Variants in RAP1GAP observed in about 807,000 individuals in gnomAD.
RAP1GAP encodes the protein rap1 GTPase-activating protein 1.
A neutral mutation model predicts 87.2 loss-of-function variants in RAP1GAP; 35 were observed. The ratio of observed to expected loss-of-function variants is 0.40; its 90% CI spans 0.31 to 0.53. The LOEUF (loss-of-function observed/expected upper bound fraction) is 0.53. RAP1GAP is among the 20% of genes least tolerant of loss of function. RAP1GAP has a pLI of 0.48. For missense variants in RAP1GAP, 734 were observed against 898.9 expected (o/e 0.82, Z 2.35); for synonymous variants, 375 against 363.9 (o/e 1.03, Z -0.35).
At chr1:21,664,743 CTTA>C (rs2097282814) in intron 1 of RAP1GAP, among the ~76,000 whole-genome samples, 1 of 53,510 alleles carries the variant, frequency 1.9e-5, no homozygotes, top group African/African-American at 5.3e-5. Flanking sequence ...GAAGAAAAGG[CTTA>C]TTATTTTTTT....
intron 1 of RAP1GAP, among the ~76,000 whole-genome samples, chr1:21,658,925 A>G (rs1044704976): frequency 7.5e-6 from 1 of 134,062 alleles, no homozygotes; most frequent in African/African-American, 2.8e-5. Context: ...ATATCATGAC[A>G]GGAAAATGAA....
intron 2 of RAP1GAP, among the ~76,000 whole-genome samples, chr1:21,643,973 G>C (rs1450443695): frequency 6.6e-6 from 1 of 152,226 alleles, no homozygotes; most frequent in Admixed American, 6.5e-5. Context: ...AACCAGACCA[G>C]GGACCTCAGG....
intron 3 of RAP1GAP, among the ~76,000 whole-genome samples, chr1:21,623,989 G>A (rs534200867): frequency 6.6e-6 from 1 of 152,354 alleles, no homozygotes; most frequent in South Asian, 2.1e-4. Flanking sequence ...GTGTGTATGG[G>A]AATGCCTTGG....
intron 2 of RAP1GAP, among the ~76,000 whole-genome samples, chr1:21,637,716 C>T (rs1423132712): frequency 6.6e-6 from 1 of 152,050 alleles, no homozygotes; most frequent in Non-Finnish European, 1.5e-5. Flanking sequence ...GAATACTATA[C>T]AGCAATGACA....
chr1:21,637,149 T>TC (rs1168593499), intron 2 of RAP1GAP, among the ~76,000 whole-genome samples: 1 of 148,466 alleles, frequency 6.7e-6, no homozygotes, highest in Non-Finnish European at 1.5e-5. Flanking sequence ...TTTTTTCTTT[T>TC]TTTTTTTTTT....
chr1:21,641,610 G>A (rs2095531561), intron 2 of RAP1GAP, among the ~76,000 whole-genome samples: 1 of 152,190 alleles, frequency 6.6e-6, no homozygotes, highest in Non-Finnish European at 1.5e-5. Flanking sequence ...CTAGTACCTG[G>A]CATGTGGTAG....
At chr1:21,639,528 T>C (rs1220344379) in intron 2 of RAP1GAP, among the ~76,000 whole-genome samples, 1 of 152,222 alleles carries the variant, frequency 6.6e-6, no homozygotes, top group African/African-American at 2.4e-5. Context: ...CAGCCTCTGT[T>C]TCCTCGGCTA....
chr1:21,649,769 C>G lies in RAP1GAP; in HGVS notation c.-121G>C. 1 of 1,552,556 alleles carries G rather than the reference C, an allele frequency of 6.4e-7. No individual in the cohort carries two copies. The highest frequency in any genetic ancestry group is 8.7e-7 in the Non-Finnish European group (1 of 1,147,546). On this transcript the variant is annotated 5_prime_UTR_variant, in exon 2 of 25. Coordinates refer to ENST00000374765, the MANE Select transcript of RAP1GAP (RefSeq NM_002885.4). ...GAGTCCCCAGTACTCACCACACACT[C>G]CGGCGAGAAGTGAAGGACTTGTCCA...
At chr1:21,645,480 A>AAAAAAT (rs551551105) in intron 2 of RAP1GAP, among the ~76,000 whole-genome samples, 132 of 152,278 alleles carry the variant, frequency 8.7e-4, no homozygotes, top group Admixed American at 3.4e-3. Flanking sequence ...ACCCTGTCTC[A>AAAAAAT]AAAAATAAAA....
intron 2 of RAP1GAP, among the ~76,000 whole-genome samples, chr1:21,642,196 G>A (rs911181077): frequency 5.9e-5 from 9 of 152,232 alleles, no homozygotes; most frequent in African/African-American, 2.2e-4. Flanking sequence ...CGTGTAGGCA[G>A]TCAGGTCACC....
chr1:21,664,702 C>T (rs528378911), intron 1 of RAP1GAP, among the ~76,000 whole-genome samples: 20 of 152,196 alleles, frequency 1.3e-4, no homozygotes, highest in South Asian at 8.3e-4. Context: ...TGCGAAGTTA[C>T]GGAAAAAATT....
At chr1:21,614,195 T>C (rs2080395434) in intron 7 of RAP1GAP, 106 bp from the exon 8 acceptor site, 6 of 714,504 alleles carry the variant, frequency 8.4e-6, no homozygotes, top group East Asian at 2.7e-5. Context: ...CCTTCGCCGA[T>C]AGCAGGTGTC....
At chr1:21,652,173 C>A (rs1424424962) in intron 1 of RAP1GAP, among the ~76,000 whole-genome samples, 1 of 151,016 alleles carries the variant, frequency 6.6e-6, no homozygotes, top group Non-Finnish European at 1.5e-5. Context: ...CCTCCTCCCG[C>A]CCCCTCGAGC....
chr1:21,620,146 A>G, intron 3 of RAP1GAP, 96 bp from the exon 4 acceptor site: 1 of 1,344,628 alleles, frequency 7.4e-7, no homozygotes, highest in African/African-American at 1.4e-5. Flanking sequence ...ACCAGCTCTG[A>G]TCAGTGACCG....
At chr1:21,644,919 A>G (rs10917030) in intron 2 of RAP1GAP, among the ~76,000 whole-genome samples, 68,814 of 144,258 alleles carry the variant, frequency 0.48, 16,713 homozygotes, top group Middle Eastern at 0.65. Flanking sequence ...AAAAAAAAAA[A>G]AGAGAAAAGA....
intron 2 of RAP1GAP, among the ~76,000 whole-genome samples, chr1:21,637,856 C>T (rs1348234035): frequency 1.3e-5 from 2 of 149,724 alleles, no homozygotes; most frequent in Admixed American, 6.8e-5. Flanking sequence ...CATGGCTGGC[C>T]GGGAGTGGTG....
intron 1 of RAP1GAP, among the ~76,000 whole-genome samples, chr1:21,665,626 C>G (rs2152417440): frequency 6.6e-6 from 1 of 152,362 alleles, no homozygotes; most frequent in Non-Finnish European, 1.5e-5. Flanking sequence ...CCTCTTTTCC[C>G]TTCTTCCTCT....
At chr1:21,610,315 G>A (rs746431883) in intron 13 of RAP1GAP, 40 bp from the exon 14 acceptor site, 7 of 1,608,662 alleles carry the variant, frequency 4.4e-6, no homozygotes, top group Non-Finnish European at 5.1e-6. Flanking sequence ...CTGGCCAGAG[G>A]GGGCCCATGG....
rs371616698 is a variant in RAP1GAP, at chr1:21,603,773, G to A, written c.1429-860C>T. The A allele has an allele frequency of 3.9e-6, 6 of 1,525,714 alleles. No homozygotes were observed. Among genetic ancestry groups the A allele is most frequent in the Non-Finnish European group, 4.5e-6 (5 of 1,100,910 alleles). 94.5% of individuals were successfully genotyped at this position (1,525,714 alleles called of 1,614,324 possible). On this transcript the variant is annotated intron_variant, in intron 18 of 24. Coordinates refer to ENST00000374765, the MANE Select transcript of RAP1GAP (RefSeq NM_002885.4). The surrounding 1 kb of genome is among the most constrained non-coding windows in gnomAD (Gnocchi z 6.0). The stretch of plus-strand genomic sequence containing the variant: ...GTCCCCAATATGGCCTCCGTCCTGA[G>A]AGCGAGCAGAGAACAGCGCGTGCAG...
Sources: gnomAD v4.1 joint callset for allele counts (sites outside exome capture counted in the v4.1 genomes callset) on GRCh38, gnomAD v4.1.1 for gene constraint, Gnocchi (gnomAD v3.1) non-coding constraint, MANE v1.5 for transcripts, NCBI Gene and HGNC (gene_info 2026-07-23, HGNC 2026-07-21) for gene names.